The following DNAH11 variants were observed in gnomAD, a reference collection of about 807,000 sequenced individuals.
DNAH11 encodes the protein axonemal beta dynein heavy chain 11.
A neutral mutation model predicts 526.0 loss-of-function variants in DNAH11; 442 were observed. That is an observed-to-expected ratio of 0.84 (90% CI 0.78 to 0.91). The LOEUF (loss-of-function observed/expected upper bound fraction) is 0.91, where lower values mean the gene tolerates loss of function less well. DNAH11 is among the 40% of genes least tolerant of loss of function. The pLI is 0.00. For missense variants in DNAH11, 6,989 were observed against 5,448.7 expected (o/e 1.28, Z -8.90); for synonymous variants, 2,461 against 1,935.9 (o/e 1.27, Z -7.12).
chr7:21,606,129 G>C (rs1368402035), intron 18 of DNAH11, among the ~76,000 whole-genome samples: 2 of 152,106 alleles, frequency 1.3e-5, no homozygotes, highest in Non-Finnish European at 1.5e-5. Flanking sequence ...TTCAAGACCA[G>C]CCTGAACAAC....
At chr7:21,810,400 A>G (rs534863242) in intron 63 of DNAH11, among the ~76,000 whole-genome samples, 6 of 152,238 alleles carry the variant, frequency 3.9e-5, no homozygotes, top group Non-Finnish European at 5.9e-5. Context: ...GAGTATGGAG[A>G]CAAAGATGGA....
intron 9 of DNAH11, among the ~76,000 whole-genome samples, chr7:21,585,416 T>C (rs1348391306): frequency 6.6e-6 from 1 of 152,172 alleles, no homozygotes. Flanking sequence ...CCATTTACTG[T>C]TGGTCCCTGG....
In DNAH11 at chr7:21,735,835, G is replaced by T. The variant is rs764813626; in HGVS notation, c.7636G>T (p.Ala2546Ser). 6.2e-7 allele frequency: 1 copy of T among 1,602,860 alleles called. No homozygotes were observed. The highest frequency in any genetic ancestry group is 8.5e-7 in the Non-Finnish European group (1 of 1,172,832). ...TTTCAACTACTACACGACATCCACAGCTCTGCAAAGTAAGTGCACCTGTTT... is the reference window on the plus strand; with the variant it reads ...TTTCAACTACTACACGACATCCACATCTCTGCAAAGTAAGTGCACCTGTTT... ...VPFNYYTTST[A>S]LQKILEKPLE... The change falls in exon 46 of 82, where the codon GCT becomes TCT. Residue 2546 changes from alanine to serine, a missense_variant. Transcript: ENST00000409508.
intron 43 of DNAH11, among the ~76,000 whole-genome samples, chr7:21,719,642 C>G (rs1342834406): frequency 6.6e-6 from 1 of 151,972 alleles, no homozygotes; most frequent in African/African-American, 2.4e-5. Context: ...TTCAAATTGG[C>G]AAATGTGGCA....
chr7:21,659,117 C>A, intron 30 of DNAH11, 86 bp downstream of exon 30: 1 of 1,140,698 alleles, frequency 8.8e-7, no homozygotes, highest in South Asian at 1.6e-5. Flanking sequence ...ATTCATTTAC[C>A]GAGTGTCATC....
intron 30 of DNAH11, among the ~76,000 whole-genome samples, chr7:21,661,071 T>A (rs1782224841): frequency 1.3e-5 from 2 of 152,118 alleles, no homozygotes; most frequent in South Asian, 4.1e-4. Context: ...GGCACTTACA[T>A]TCTAGTTAAT....
intron 75 of DNAH11, among the ~76,000 whole-genome samples, chr7:21,881,207 T>A (rs1341415152): frequency 6.6e-6 from 1 of 152,210 alleles, no homozygotes; most frequent in Non-Finnish European, 1.5e-5. Context: ...ATTAGGCAGG[T>A]AATGAAGCAT....
intron 55 of DNAH11, among the ~76,000 whole-genome samples, chr7:21,767,509 T>G (rs1345169531): frequency 6.6e-6 from 1 of 152,210 alleles, no homozygotes; most frequent in East Asian, 1.9e-4. Context: ...AGAGGGCTCC[T>G]GTCAGGTGCT....
intron 54 of DNAH11, among the ~76,000 whole-genome samples, chr7:21,762,326 A>G (rs1786958367): frequency 1.3e-5 from 2 of 152,252 alleles, no homozygotes; most frequent in Admixed American, 1.3e-4. Flanking sequence ...CTAAGATTGG[A>G]TACTATGCCA....
In DNAH11 at chr7:21,586,260, T is replaced by C. The variant is rs147719181; in HGVS notation, c.1711-1804T>C. 4.2e-3 allele frequency among the ~76,000 whole-genome samples: 640 copies of C among 152,322 alleles called. 1 individual carries two copies. The highest frequency in any genetic ancestry group is 6.3e-3 in the Non-Finnish European group (430 of 68,020). On this transcript the variant is annotated intron_variant, in intron 9 of 81. Transcript: ENST00000409508. ...AATATGATAAGTTTTTACAAAATAA[T>C]GTTGTGAAATAAATACACTTATCAT...
chr7:21,789,773 C>CTT (rs1788358818), intron 61 of DNAH11, among the ~76,000 whole-genome samples: 2 of 69,766 alleles, frequency 2.9e-5, no homozygotes, highest in East Asian at 3.1e-4. Context: ...CTCTTTCTTT[C>CTT]TTTCTTTCTT....
chr7:21,724,612 G>A (rs1341920358), intron 44 of DNAH11, among the ~76,000 whole-genome samples: 3 of 150,454 alleles, frequency 2.0e-5, no homozygotes, highest in African/African-American at 7.3e-5. Context: ...GGATATAAGA[G>A]GTACAGAGCC....
At chr7:21,645,159 G>A (rs1787296171) in intron 28 of DNAH11, among the ~76,000 whole-genome samples, 2 of 152,118 alleles carry the variant, frequency 1.3e-5, no homozygotes, top group African/African-American at 2.4e-5. Context: ...ACAAATGTGG[G>A]GTCCTGCCAG....
intron 28 of DNAH11, among the ~76,000 whole-genome samples, chr7:21,642,050 G>T (rs970540730): frequency 6.6e-6 from 1 of 152,148 alleles, no homozygotes; most frequent in African/African-American, 2.4e-5. Flanking sequence ...CAGTCCTGTG[G>T]CCACAGTATA....
At chr7:21,587,996 A>G (rs1181812350) in intron 9 of DNAH11, 68 bp from the exon 10 acceptor site, 4 of 1,477,988 alleles carry the variant, frequency 2.7e-6, no homozygotes, top group Middle Eastern at 4.4e-4. Flanking sequence ...TTGAAGGGGA[A>G]CATTATGAGC....
At chr7:21,551,439 C>G (rs1178932812) in intron 2 of DNAH11, among the ~76,000 whole-genome samples, 1 of 152,182 alleles carries the variant, frequency 6.6e-6, no homozygotes, top group Admixed American at 6.5e-5. Flanking sequence ...TTCCTTTCCG[C>G]TGCTATTTAT....
chr7:21,638,908 A>G (rs1469361420), intron 27 of DNAH11, 31 bp from the exon 28 acceptor site: 2 of 1,590,008 alleles, frequency 1.3e-6, no homozygotes, highest in Non-Finnish European at 8.5e-7. Flanking sequence ...AAGGGACAAG[A>G]TATGCTTAAA....
intron 20 of DNAH11, among the ~76,000 whole-genome samples, chr7:21,610,365 C>G (rs751862291): frequency 4.6e-5 from 7 of 152,160 alleles, no homozygotes; most frequent in Non-Finnish European, 1.0e-4. Flanking sequence ...TAAGGAATTT[C>G]TAAGACAGGA....
intron 61 of DNAH11, among the ~76,000 whole-genome samples, chr7:21,789,812 C>CTTTTTTT (rs1170965698): frequency 1.3e-5 from 1 of 76,104 alleles, no homozygotes; most frequent in African/African-American, 4.9e-5. Context: ...TTTCTTTTTT[C>CTTTTTTT]TTTCTTTCTT....
Sources: allele counts gnomAD v4.1 joint callset (sites outside exome capture counted in the v4.1 genomes callset), GRCh38; gene constraint gnomAD v4.1.1; transcripts MANE v1.5; gene names NCBI Gene and HGNC (gene_info 2026-07-23, HGNC 2026-07-21).